Variants in RGPD2 observed in about 807,000 individuals in gnomAD.
The protein encoded by RGPD2 is RANBP2-like and GRIP domain-containing protein 2.
Under a neutral mutation model 36.0 loss-of-function variants are expected in RGPD2, and 2 were observed. The observed-to-expected ratio is 0.06, with a 90% CI of 0.02 to 0.17. RGPD2 has a LOEUF of 0.17. Ranked by LOEUF, RGPD2 falls within the 10% of genes least tolerant of loss-of-function variation. RGPD2 has a pLI of 1.00. For missense variants in RGPD2, 40 were observed against 464.3 expected (o/e 0.09, Z 8.40); for synonymous variants, 19 against 163.8 (o/e 0.12, Z 6.75).
chr2:87,961,903 C>T, the RGPD2 span, among the ~76,000 whole-genome samples: 1 of 145,796 alleles, frequency 6.9e-6, no homozygotes, highest in Non-Finnish European at 1.5e-5. Flanking sequence ...GGCACAGTGG[C>T]TCAAGCCGGT....
At chr2:87,824,731 G>C (rs1270991506) in intron 1 of RGPD2, among the ~76,000 whole-genome samples, 14 of 98,920 alleles carry the variant, frequency 1.4e-4, no homozygotes, top group Non-Finnish European at 2.8e-4. Context: ...GCCGCCGCCC[G>C]GCCAGGCCGA....
the RGPD2 span, among the ~76,000 whole-genome samples, chr2:87,845,460 C>G: frequency 6.6e-6 from 1 of 150,988 alleles, no homozygotes; most frequent in Non-Finnish European, 1.5e-5. Context: ...AAATATAAAG[C>G]TATTTTTTCA....
chr2:87,824,862 G>GGCCGAGGCCGAGGCC (rs1686625691), intron 1 of RGPD2: 6 of 37,444 alleles, frequency 1.6e-4, no homozygotes, highest in Non-Finnish European at 2.7e-4. Flanking sequence ...CCGAGGCCGA[G>GGCCGAGGCCGAGGCC]GCCGCCGCCG....
upstream of RGPD2, among the ~76,000 whole-genome samples, chr2:87,827,351 TA>T (rs551674774): frequency 6.5e-4 from 99 of 152,258 alleles, 1 homozygote; most frequent in South Asian, 0.02. Flanking sequence ...CATAGTAGAA[TA>T]AAAAAAACTT....
the RGPD2 span, among the ~76,000 whole-genome samples, chr2:87,914,826 T>C: frequency 6.6e-6 from 1 of 151,592 alleles, no homozygotes; most frequent in African/African-American, 2.4e-5. Flanking sequence ...TATATAACTA[T>C]GTGAGATCAC....
chr2:87,922,179 G>C, the RGPD2 span, among the ~76,000 whole-genome samples: 4 of 150,302 alleles, frequency 2.7e-5, no homozygotes, highest in Non-Finnish European at 5.9e-5. Flanking sequence ...TGTAGTCCCA[G>C]CTACTCAGGA....
At chr2:87,972,811 C>T in the RGPD2 span, 4 of 1,611,838 alleles carry the variant, frequency 2.5e-6, no homozygotes, top group Non-Finnish European at 3.4e-6. Context: ...GCTGCACCTA[C>T]TACTATGAGC....
Position 87,818,602 on chromosome 2 carries a change from CA to C in RGPD2, c.93del (p.Phe31LeufsTer58), listed in dbSNP as rs1364492971. The C allele has an allele frequency of 9.5e-7, 1 of 1,049,428 alleles. No homozygotes were observed. Among genetic ancestry groups the C allele is most frequent in the Non-Finnish European group, 1.4e-6 (1 of 717,688 alleles). The allele number at this position is 1,049,428 out of a possible 1,614,324, so 65.0% of individuals were successfully genotyped here. A position where few individuals can be genotyped will look rare whatever the true frequency, so the allele number is the denominator to read the frequency against. The stretch of plus-strand genomic sequence containing the variant: ...TCTTTAGCTTCATAATACAGCTTTG[CA>C]AAATAGAATCCTCTCAACTTCTAAA... ...SPGKKLRGFY[F>X]AKLYYEAKEY... On this transcript the variant is annotated frameshift_variant, in exon 2 of 23. Transcript: ENST00000398146. LOFTEE classifies it high-confidence loss of function.
At chr2:87,940,220 G>C in the RGPD2 span, among the ~76,000 whole-genome samples, 1 of 151,984 alleles carries the variant, frequency 6.6e-6, no homozygotes, top group South Asian at 2.1e-4. Context: ...CAGTGTTAAA[G>C]TGGGCTGAAG....
chr2:87,854,646 G>A, the RGPD2 span, among the ~76,000 whole-genome samples: 1 of 152,108 alleles, frequency 6.6e-6, no homozygotes, highest in Non-Finnish European at 1.5e-5. Context: ...AGCACTTTCA[G>A]ACTGGCTTCT....
At chr2:87,877,570 G>A in the RGPD2 span, among the ~76,000 whole-genome samples, 60 of 152,302 alleles carry the variant, frequency 3.9e-4, no homozygotes, top group African/African-American at 1.3e-3. Context: ...TTGGGAGGCC[G>A]AGGAGGGCAG....
At chr2:87,988,329 TAA>T in the RGPD2 span, among the ~76,000 whole-genome samples, 3 of 132,376 alleles carry the variant, frequency 2.3e-5, no homozygotes, top group African/African-American at 8.0e-5. Context: ...ACAATAATAT[TAA>T]GTTTTATTCA....
the RGPD2 span, among the ~76,000 whole-genome samples, chr2:87,893,631 A>T: frequency 9.9e-6 from 1 of 101,314 alleles, no homozygotes; most frequent in Non-Finnish European, 2.0e-5. Context: ...TGAAGGCCTC[A>T]AAGATTCCTG....
the RGPD2 span, among the ~76,000 whole-genome samples, chr2:87,905,559 A>G: frequency 4.0e-5 from 6 of 151,318 alleles, no homozygotes; most frequent in Non-Finnish European, 8.8e-5. Context: ...GTACGATTCA[A>G]TCATTTTTAG....
At chr2:87,915,357 T>TTGTG in the RGPD2 span, among the ~76,000 whole-genome samples, 113 of 116,470 alleles carry the variant, frequency 9.7e-4, 6 homozygotes, top group East Asian at 0.016. Flanking sequence ...ATTATATATA[T>TTGTG]TATATATATA....
chr2:87,923,456 T>A, the RGPD2 span, among the ~76,000 whole-genome samples: 2 of 152,392 alleles, frequency 1.3e-5, no homozygotes, highest in South Asian at 2.1e-4. Flanking sequence ...TATACTGTGA[T>A]AGTTACATAA....
chr2:87,983,770 G>T, the RGPD2 span, among the ~76,000 whole-genome samples: 4 of 148,788 alleles, frequency 2.7e-5, no homozygotes, highest in Admixed American at 2.7e-4. Flanking sequence ...TCTTGTCGGA[G>T]GGAAAGCATT....
At chr2:87,876,612 G>GCA in the RGPD2 span, among the ~76,000 whole-genome samples, 15 of 152,290 alleles carry the variant, frequency 9.8e-5, no homozygotes, top group Non-Finnish European at 2.9e-5. Flanking sequence ...ACTGAGGAGT[G>GCA]TTTTACATCT....
chr2:87,824,260 C>T (rs1179441101), intron 1 of RGPD2, among the ~76,000 whole-genome samples: 97 of 150,262 alleles, frequency 6.5e-4, no homozygotes, highest in East Asian at 9.7e-4. Context: ...CCAAAGTGCT[C>T]GGATTACAGA....
Sources: allele counts gnomAD v4.1 joint callset (sites outside exome capture counted in the v4.1 genomes callset), GRCh38; gene constraint gnomAD v4.1.1; transcripts MANE v1.5; gene names NCBI Gene and HGNC (gene_info 2026-07-23, HGNC 2026-07-21).